ATL1: variants seen among roughly 807,000 people sequenced by gnomAD.
The protein encoded by ATL1 is atlastin GTPase 1.
A neutral mutation model predicts 75.5 loss-of-function variants in ATL1; 31 were observed. That is an observed-to-expected ratio of 0.41 (90% CI 0.31 to 0.55). The LOEUF (loss-of-function observed/expected upper bound fraction) is 0.55, where lower values mean the gene tolerates loss of function less well. Among genes scored for constraint, ATL1 ranks in the 20% least tolerant of loss-of-function variants. ATL1 has a pLI of 0.27. For synonymous variants in ATL1, 226 were observed against 233.3 expected (o/e 0.97, Z 0.28); for missense variants, 405 against 662.6 (o/e 0.61, Z 4.27).
intron 1 of ATL1, among the ~76,000 whole-genome samples, chr14:50,545,163 A>G (rs2140151598): frequency 6.6e-6 from 1 of 152,286 alleles, no homozygotes; most frequent in East Asian, 1.9e-4. Context: ...CAGTAGGCAA[A>G]GAGCCAGAAA....
intron 1 of ATL1, among the ~76,000 whole-genome samples, chr14:50,548,325 T>C (rs1248012059): frequency 1.3e-5 from 2 of 152,124 alleles, no homozygotes; most frequent in African/African-American, 4.8e-5. Flanking sequence ...AAAATGGGAT[T>C]GGGCACACAT....
At chr14:50,581,825 ACTG>A (rs2039057941) in intron 1 of ATL1, among the ~76,000 whole-genome samples, 2 of 152,196 alleles carry the variant, frequency 1.3e-5, no homozygotes, top group South Asian at 4.1e-4. Flanking sequence ...AAGGCTGGCT[ACTG>A]GCTAATGATG....
chr14:50,565,914 C>A (rs2038898888), intron 1 of ATL1, among the ~76,000 whole-genome samples: 1 of 152,132 alleles, frequency 6.6e-6, no homozygotes, highest in Admixed American at 6.5e-5. Context: ...GCACCTGTGC[C>A]CCCCAGCCAA....
chr14:50,587,587 T>C (rs3015457), intron 1 of ATL1, among the ~76,000 whole-genome samples: 1 of 151,840 alleles, frequency 6.6e-6, no homozygotes, highest in South Asian at 2.1e-4. Flanking sequence ...TTTTAAAATT[T>C]TTTGTATAGA....
At chr14:50,587,252 T>C (rs1341420216) in intron 1 of ATL1, among the ~76,000 whole-genome samples, 1 of 152,232 alleles carries the variant, frequency 6.6e-6, no homozygotes, top group Non-Finnish European at 1.5e-5. Context: ...TCTTTCTGAC[T>C]CAGCAGACAG....
In ATL1 at chr14:50,632,567, A is replaced by C. The variant is rs2039593354; in HGVS notation, c.*228A>C. ...TGTACAATTTCCTGATTTTTCTTCA[A>C]AAATGCTGTTATAAAGTATTTGTCT... On this transcript the variant is annotated 3_prime_UTR_variant, in exon 14 of 14. Transcript: ENST00000358385. 1 of 409,270 alleles carries C rather than the reference A, an allele frequency of 2.4e-6. No homozygotes were observed. The highest frequency in any genetic ancestry group is 2.3e-5 in the South Asian group (1 of 43,414). The allele number at this position is 409,270 out of a possible 1,614,324, so 25.4% of individuals were successfully genotyped here.
intron 1 of ATL1, among the ~76,000 whole-genome samples, chr14:50,554,753 A>G (rs542550314): frequency 6.6e-6 from 1 of 152,320 alleles, no homozygotes; most frequent in African/African-American, 2.4e-5. Context: ...CTCTAGAGCT[A>G]TCCTGCTGCT....
chr14:50,611,932 G>C (rs1001995958), intron 6 of ATL1, among the ~76,000 whole-genome samples: 24 of 152,182 alleles, frequency 1.6e-4, no homozygotes, highest in African/African-American at 5.3e-4. Flanking sequence ...AAAGAAAGAA[G>C]ACACAGAAAG....
At chr14:50,554,600 G>A (rs74050949) in intron 1 of ATL1, among the ~76,000 whole-genome samples, 3,794 of 152,322 alleles carry the variant, frequency 0.025, 99 homozygotes, top group East Asian at 0.064. Context: ...CACTGGAGGA[G>A]CAGGTGTCCC....
chr14:50,617,164 T>G (rs1179913739), intron 8 of ATL1, among the ~76,000 whole-genome samples: 1 of 152,206 alleles, frequency 6.6e-6, no homozygotes, highest in East Asian at 1.9e-4. Flanking sequence ...TATTATTGTC[T>G]TACCTATTTC....
intron 1 of ATL1, among the ~76,000 whole-genome samples, chr14:50,580,162 C>T (rs570993145): frequency 5.3e-4 from 81 of 152,160 alleles, no homozygotes; most frequent in Non-Finnish European, 7.4e-4. Flanking sequence ...GAATGTATCA[C>T]GGTTATTTAT....
At position 50,587,820 on chromosome 14, in the gene ATL1, C is replaced by A. The variant is rs2039116866; in HGVS notation, c.35-11C>A. On this transcript the variant is annotated splice_polypyrimidine_tract_variant and intron_variant, in intron 1 of 13. Transcript: ENST00000358385. The stretch of plus-strand genomic sequence containing the variant: ...ATGATTAGCTGAACCAGTCACTGCT[C>A]TGTTCAACAGGTGGATTTTCGGAAA... The A allele has an allele frequency of 1.2e-6, 2 of 1,614,172 alleles. No individual in the cohort carries two copies. The highest frequency in any genetic ancestry group is 8.5e-7 in the Non-Finnish European group (1 of 1,180,036).
At chr14:50,590,232 A>C (rs142061358) in intron 2 of ATL1, among the ~76,000 whole-genome samples, 1 of 152,118 alleles carries the variant, frequency 6.6e-6, no homozygotes, top group Non-Finnish European at 1.5e-5. Context: ...TCCCTTCCCT[A>C]CTAACTAGCC....
At chr14:50,538,638 G>A (rs1379076100) in intron 1 of ATL1, among the ~76,000 whole-genome samples, 3 of 152,188 alleles carry the variant, frequency 2.0e-5, no homozygotes, top group Non-Finnish European at 4.4e-5. Flanking sequence ...AGCAGAAAAA[G>A]CTACAATGCT....
At chr14:50,540,557 T>A (rs1165873925) in intron 1 of ATL1, among the ~76,000 whole-genome samples, 1 of 152,180 alleles carries the variant, frequency 6.6e-6, no homozygotes, top group East Asian at 1.9e-4. Flanking sequence ...AGCTAAGGAA[T>A]GGGTGATTCT....
In ATL1 at chr14:50,591,064, G is replaced by C. The variant is rs2039151733; in HGVS notation, c.406G>C (p.Asp136His). 1 of 1,613,274 alleles carries C rather than the reference G, an allele frequency of 6.2e-7. No individual in the cohort carries two copies. The highest frequency in any genetic ancestry group is 1.1e-5 in the South Asian group (1 of 91,054). ...WSEIFLINKP[D>H]GKKVAVLLMD... is the part of the protein sequence containing the mutation. ...TGAAATCTTCCTTATCAATAAACCT[G>C]ATGGTAAAAAGGTATGATGCTAACT... The change falls in exon 3 of 14, where the codon GAT becomes CAT. Residue 136 changes from aspartate to histidine, a missense_variant. Physicochemically the swap from Asp to His is moderately conservative, Grantham distance 81. This residue lies in a region of ATL1 where 126 missense variants were observed against 172.0 expected (regional missense o/e 0.73). Transcript: ENST00000358385.
intron 1 of ATL1, among the ~76,000 whole-genome samples, chr14:50,536,988 A>G (rs1401201379): frequency 6.6e-6 from 1 of 152,262 alleles, no homozygotes; most frequent in Non-Finnish European, 1.5e-5. Context: ...AGAAATTTGC[A>G]TAAGTAACGA....
intron 1 of ATL1, among the ~76,000 whole-genome samples, chr14:50,580,389 G>A (rs1290730945): frequency 6.6e-6 from 1 of 152,098 alleles, no homozygotes; most frequent in East Asian, 1.9e-4. Context: ...CTACTTTGCT[G>A]TGAGGTTTTT....
intron 1 of ATL1, among the ~76,000 whole-genome samples, chr14:50,586,632 T>C (rs1161118753): frequency 6.6e-6 from 1 of 152,214 alleles, no homozygotes; most frequent in Non-Finnish European, 1.5e-5. Flanking sequence ...AGACTTTCTG[T>C]TCTTATGATA....
Sources: gnomAD v4.1 joint callset for allele counts (sites outside exome capture counted in the v4.1 genomes callset) on GRCh38, gnomAD v4.1.1 for gene constraint, gnomAD v4.1.1 regional missense constraint, MANE v1.5 for transcripts, NCBI Gene and HGNC (gene_info 2026-07-23, HGNC 2026-07-21) for gene names.